The following ZNF879 variants were observed in gnomAD, a reference collection of about 807,000 sequenced individuals.
The protein encoded by ZNF879 is zinc finger protein 879.
ZNF879 carries 32 observed loss-of-function variants against 44.3 expected under a neutral mutation model. That is an observed-to-expected ratio of 0.72 (90% CI 0.54 to 0.97). ZNF879 has a LOEUF of 0.97. Ranked by LOEUF, ZNF879 falls within the 50% of genes least tolerant of loss-of-function variation. The probability of loss-of-function intolerance (pLI) is 0.00; values close to 1 mark genes in which losing one functional copy is unlikely to be tolerated. For synonymous variants in ZNF879, 234 were observed against 233.2 expected (o/e 1.00, Z -0.03); for missense variants, 621 against 669.7 (o/e 0.93, Z 0.80).
At position 179,034,549 on chromosome 5, in the gene ZNF879, G is replaced by A. The variant is rs1171180131; in HGVS notation, c.*909G>A. 2 of 152,188 alleles carry A rather than the reference G, an allele frequency of 1.3e-5. No individual in the cohort carries two copies. The highest frequency in any genetic ancestry group is 2.9e-5 in the Non-Finnish European group (2 of 68,036). 9.4% of individuals were successfully genotyped at this position (152,188 alleles called of 1,614,324 possible). A position where few individuals can be genotyped will look rare whatever the true frequency, so the allele number is the denominator to read the frequency against. ...TAGAACTCAGGTCATCATCCTTGGA[G>A]GTAAAATGAACCAGATGATTTTCAC... is the stretch of plus-strand genomic sequence containing the variant. On this transcript the variant is annotated 3_prime_UTR_variant, in exon 5 of 5. Coordinates refer to ENST00000444149, the MANE Select transcript of ZNF879 (RefSeq NM_001136116.3).
intron 4 of ZNF879, among the ~76,000 whole-genome samples, chr5:179,031,562 C>T (rs538542629): frequency 3.3e-5 from 5 of 152,328 alleles, no homozygotes; most frequent in African/African-American, 1.2e-4. Flanking sequence ...GTGCTTCGTT[C>T]GTGTTTTCTT....
At chr5:179,028,742 A>G (rs1761340230) in intron 4 of ZNF879, among the ~76,000 whole-genome samples, 1 of 152,114 alleles carries the variant, frequency 6.6e-6, no homozygotes, top group South Asian at 2.1e-4. Context: ...CCAGCTCCTA[A>G]GGCATGTCAC....
intron 4 of ZNF879, among the ~76,000 whole-genome samples, chr5:179,029,432 C>T (rs144705773): frequency 6.6e-6 from 1 of 152,052 alleles, no homozygotes; most frequent in African/African-American, 2.4e-5. Context: ...CAATTGACTG[C>T]AAGAGTAGTG....
At chr5:179,032,084 C>CT (rs1462309855) in intron 4 of ZNF879, 121 bp from the exon 5 acceptor site, 2 of 821,424 alleles carry the variant, frequency 2.4e-6, no homozygotes, top group African/African-American at 1.8e-5. Flanking sequence ...TCCTCCTCTT[C>CT]TTTTTCCCAT....
rs924254404 is a variant in ZNF879, at chr5:179,033,831, T to C, written c.*191T>C. On this transcript the variant is annotated 3_prime_UTR_variant, in exon 5 of 5. Transcript: ENST00000444149. ...ATGCTAGAAAAGCTTCTATAAAATG[T>C]TTATTCATATGTTCTTAAGTTATTA... is the stretch of plus-strand genomic sequence containing the variant. 2.1e-6 allele frequency: 1 copy of C among 477,870 alleles called. No individual in the cohort carries two copies. Among genetic ancestry groups the C allele is most frequent in the Non-Finnish European group, 3.6e-6 (1 of 275,110 alleles). The allele number at this position is 477,870 out of a possible 1,614,324, so 29.6% of individuals were successfully genotyped here.
intron 4 of ZNF879, among the ~76,000 whole-genome samples, chr5:179,029,104 T>G (rs1355951931): frequency 6.6e-6 from 1 of 151,706 alleles, no homozygotes; most frequent in African/African-American, 2.4e-5. Flanking sequence ...GCATCTGTTT[T>G]TTTTTTTTTT....
chr5:179,027,923 C>G, intron 3 of ZNF879, 109 bp from the exon 4 acceptor site: 1 of 1,012,830 alleles, frequency 9.9e-7, no homozygotes, highest in Non-Finnish European at 1.5e-6. Context: ...TTTGAAGCCT[C>G]TCAGAACAAA....
chr5:179,032,798 G>A lies in ZNF879; in HGVS notation c.850G>A (p.Gly284Arg). 6.4e-7 allele frequency: 1 copy of A among 1,554,436 alleles called. No individual in the cohort carries two copies. Among genetic ancestry groups the A allele is most frequent in the South Asian group, 1.2e-5 (1 of 84,314 alleles). ...SLIGHQRMHT[G>R]ERPYKCKECG... ...TATTGGACACCAGAGAATGCATACT[G>A]GAGAGAGACCTTATAAATGCAAGGA... Residue 284 changes from glycine to arginine, a missense_variant, in exon 5 of 5, where the codon GGA (glycine) becomes AGA (arginine). Gly to Arg is a moderately radical substitution (Grantham distance 125). Coordinates refer to ENST00000444149, the MANE Select transcript of ZNF879 (RefSeq NM_001136116.3).
rs575355519 is a variant in ZNF879 at position 179,035,001 on chromosome 5, G to A, written c.*1361G>A. On this transcript the variant is annotated 3_prime_UTR_variant, in exon 5 of 5. Transcript: ENST00000444149. ...GGGCAGATCATGAGGTCAGGAGATC[G>A]AGACCATCCTGGCTAACATGGTGAA... is the stretch of plus-strand genomic sequence containing the variant. 273 of 149,824 alleles carry A rather than the reference G, an allele frequency of 1.8e-3. 1 individual carries two copies. Among genetic ancestry groups the A allele is most frequent in the African/African-American group, 6.2e-3 (252 of 40,628 alleles). 9.3% of individuals were successfully genotyped at this position (149,824 alleles called of 1,614,324 possible).
At chr5:179,030,747 A>T (rs1473268023) in intron 4 of ZNF879, among the ~76,000 whole-genome samples, 1 of 152,218 alleles carries the variant, frequency 6.6e-6, no homozygotes, top group African/African-American at 2.4e-5. Flanking sequence ...AGTTAAGAAA[A>T]TAAAAGCTGT....
chr5:179,032,260 GA>G lies in ZNF879; in HGVS notation c.318del (p.Lys106AsnfsTer3). ...VSKEENQEVM[K>X]KLIIDGTFDF... ...CTAAAGAAGAAAATCAGGAAGTCAT[GA>G]AAAAACTCATAATTGATGGCACATT... On this transcript the variant is annotated frameshift_variant, in exon 5 of 5. Transcript: ENST00000444149. LOFTEE classifies it low-confidence loss of function (END_TRUNC). The G allele has an allele frequency of 6.5e-7, 1 of 1,535,592 alleles. No individual in the cohort carries two copies. Among genetic ancestry groups the G allele is most frequent in the East Asian group, 2.4e-5 (1 of 40,840 alleles).
Position 179,024,797 on chromosome 5 carries a change from A to C in ZNF879, c.-35-173A>C, listed in dbSNP as rs976056605. 8 of 581,494 alleles carry C rather than the reference A, an allele frequency of 1.4e-5. No homozygotes were observed. The African/African-American group carries it at 1.5e-4, about 11-fold the overall frequency. 36.0% of individuals were successfully genotyped at this position (581,494 alleles called of 1,614,324 possible). ...AAAGGTAGCAGGCCCGGTGACTCTG[A>C]ACCTGCTTCCCACACTGGTTTAAGT... On this transcript the variant is annotated intron_variant, in intron 1 of 4. Coordinates refer to ENST00000444149, the MANE Select transcript of ZNF879 (RefSeq NM_001136116.3).
chr5:179,024,143 G>T (rs1180201730), intron 1 of ZNF879, among the ~76,000 whole-genome samples: 1 of 152,200 alleles, frequency 6.6e-6, no homozygotes, highest in Non-Finnish European at 1.5e-5. Flanking sequence ...GACTCCGGGG[G>T]AAACGGCTCC....
chr5:179,030,007 C>T (rs1761379423), intron 4 of ZNF879, among the ~76,000 whole-genome samples: 1 of 152,070 alleles, frequency 6.6e-6, no homozygotes, highest in African/African-American at 2.4e-5. Flanking sequence ...TATAAAGAGG[C>T]AAAGGTACCA....
chr5:179,024,666 C>G, intron 1 of ZNF879: 1 of 293,922 alleles, frequency 3.4e-6, no homozygotes, highest in Non-Finnish European at 6.4e-6. Flanking sequence ...TTTCCTATTA[C>G]TTTATCTGAA....
At chr5:179,028,893 G>C (rs1213373010) in intron 4 of ZNF879, among the ~76,000 whole-genome samples, 1 of 152,156 alleles carries the variant, frequency 6.6e-6, no homozygotes, top group Non-Finnish European at 1.5e-5. Context: ...CACCTGGGCA[G>C]GGCGTGGGCT....
chr5:179,024,717 G>A (rs1246692012), intron 1 of ZNF879: 3 of 444,790 alleles, frequency 6.7e-6, no homozygotes, highest in East Asian at 3.5e-5. Context: ...GTTAAGGCAC[G>A]GCAGATGGTC....
In ZNF879 at chr5:179,032,392, C is replaced by G; in HGVS notation, c.444C>G (p.Val148=). The G allele has an allele frequency of 6.4e-7, 1 of 1,550,976 alleles. No homozygotes were observed. The highest frequency in any genetic ancestry group is 8.7e-7 in the Non-Finnish European group (1 of 1,146,846). The change falls in exon 5 of 5, where the codon GTC becomes GTG. Residue 148 remains valine, a synonymous_variant. Coordinates refer to ENST00000444149, the MANE Select transcript of ZNF879 (RefSeq NM_001136116.3). The part of the protein sequence containing the change: ...FSKVLVTIKK[V]YMKERSFKGV... ...AAGTGTTAGTTACCATCAAAAAAGTCTACATGAAGGAGAGGAGCTTTAAAG... is the reference window on the plus strand; with the variant it reads ...AAGTGTTAGTTACCATCAAAAAAGTGTACATGAAGGAGAGGAGCTTTAAAG...
At chr5:179,026,434 G>C (rs1322439737) in intron 2 of ZNF879, among the ~76,000 whole-genome samples, 1 of 152,122 alleles carries the variant, frequency 6.6e-6, no homozygotes, top group Non-Finnish European at 1.5e-5. Flanking sequence ...TTGTTGTTTT[G>C]CTTATTGATC....
Sources: gnomAD v4.1 joint callset for allele counts (sites outside exome capture counted in the v4.1 genomes callset) on GRCh38, gnomAD v4.1.1 for gene constraint, MANE v1.5 for transcripts, NCBI Gene and HGNC (gene_info 2026-07-23, HGNC 2026-07-21) for gene names.